Variants in MICAL2 observed in about 807,000 individuals in gnomAD.
MICAL2 encodes [F-actin]-monooxygenase MICAL2.
A neutral mutation model predicts 127.3 loss-of-function variants in MICAL2; 77 were observed. The ratio of observed to expected loss-of-function variants is 0.60; its 90% CI spans 0.50 to 0.73. The LOEUF is 0.73. Among genes scored for constraint, MICAL2 ranks in the 30% least tolerant of loss-of-function variants. MICAL2 has a pLI of 0.00. For missense variants in MICAL2, 1,351 were observed against 1,434.4 expected (o/e 0.94, Z 0.94); for synonymous variants, 570 against 551.1 (o/e 1.03, Z -0.48).
chr11:12,142,344 G>T (rs964368552), intron 2 of MICAL2, among the ~76,000 whole-genome samples: 15 of 152,340 alleles, frequency 9.8e-5, no homozygotes, highest in Middle Eastern at 3.4e-3. Flanking sequence ...TTTATGATGT[G>T]TCTTGGGGTG....
intron 2 of MICAL2, chr11:12,281,204 C>T (rs976254438): frequency 2.5e-6 from 1 of 398,106 alleles, no homozygotes; most frequent in Non-Finnish European, 4.4e-6. Context: ...GAAGCCTCGC[C>T]CTCAGGCTTC....
upstream of MICAL2, chr11:12,275,955 A>G: frequency 2.5e-6 from 1 of 399,176 alleles, no homozygotes; most frequent in Non-Finnish European, 4.4e-6. Flanking sequence ...CATTTGCACC[A>G]TCTCTCTAGA....
At chr11:12,205,219 T>C (rs1329014086) in intron 4 of MICAL2, among the ~76,000 whole-genome samples, 1 of 152,190 alleles carries the variant, frequency 6.6e-6, no homozygotes, top group Non-Finnish European at 1.5e-5. Context: ...TCCTCAAGCC[T>C]GGAGCTCTCT....
chr11:12,290,596 C>T (rs2134781436), downstream of MICAL2, among the ~76,000 whole-genome samples: 2 of 152,320 alleles, frequency 1.3e-5, no homozygotes, highest in South Asian at 4.1e-4. Flanking sequence ...CTTGAACCTT[C>T]TAATCGTGGG....
At chr11:12,185,931 T>C (rs571301005) in intron 3 of MICAL2, among the ~76,000 whole-genome samples, 7 of 152,350 alleles carry the variant, frequency 4.6e-5, no homozygotes, top group South Asian at 2.1e-4. Context: ...TTGCTACATA[T>C]GATGTGCTTC....
upstream of MICAL2, chr11:12,276,075 G>A (rs889725559): frequency 2.0e-5 from 8 of 399,094 alleles, no homozygotes; most frequent in East Asian, 7.1e-5. Context: ...CCTGCCCTCC[G>A]AGTGGACCTC....
intron 1 of MICAL2, among the ~76,000 whole-genome samples, chr11:12,118,744 T>C (rs1850256455): frequency 6.6e-6 from 1 of 152,194 alleles, no homozygotes; most frequent in Admixed American, 6.5e-5. Context: ...AATCCTAGTA[T>C]TTTAGTCTAC....
At chr11:12,245,371 A>G (rs1232139790) in intron 21 of MICAL2, among the ~76,000 whole-genome samples, 1 of 152,080 alleles carries the variant, frequency 6.6e-6, no homozygotes, top group Non-Finnish European at 1.5e-5. Context: ...GCTCCATGCT[A>G]TTGCATTAGT....
intron 16 of MICAL2, among the ~76,000 whole-genome samples, chr11:12,237,151 G>A (rs1002277753): frequency 2.0e-5 from 3 of 152,206 alleles, no homozygotes; most frequent in African/African-American, 7.2e-5. Flanking sequence ...GGGGAAAGCA[G>A]CAGCCAGCCA....
intron 16 of MICAL2, among the ~76,000 whole-genome samples, chr11:12,237,547 T>C (rs1859254974): frequency 1.3e-5 from 2 of 152,134 alleles, no homozygotes; most frequent in Non-Finnish European, 2.9e-5. Context: ...GTTTCACCCA[T>C]GGCTTATTTA....
intron 29 of MICAL2, among the ~76,000 whole-genome samples, chr11:12,312,919 C>T (rs1864190197): frequency 1.3e-5 from 2 of 152,160 alleles, no homozygotes; most frequent in African/African-American, 2.4e-5. Flanking sequence ...GTAATCTCAG[C>T]ACTTTGGGAG....
chr11:12,196,781 C>T (rs1379373556), intron 3 of MICAL2, among the ~76,000 whole-genome samples: 2 of 152,196 alleles, frequency 1.3e-5, no homozygotes, highest in South Asian at 2.1e-4. Flanking sequence ...CAAGTCCCTC[C>T]ACGATCTGGC....
chr11:12,256,601 A>G lies in MICAL2; in HGVS notation c.2956-184A>G, dbSNP rs149753707. 7.3e-5 allele frequency: 40 copies of G among 547,196 alleles called. 1 individual carries two copies. In the East Asian group the frequency reaches 1.3e-3, roughly 17 times the overall value. The allele number at this position is 547,196 out of a possible 1,614,324, so 33.9% of individuals were successfully genotyped here. ...GAGTACAGTTAACAGAAGCCCCTGCAGGGTTGGGGTCTGGGTTGGGGGTGT... is the reference window on the plus strand; with the variant it reads ...GAGTACAGTTAACAGAAGCCCCTGCGGGGTTGGGGTCTGGGTTGGGGGTGT... On this transcript the variant is annotated intron_variant, in intron 23 of 27. Coordinates refer to ENST00000683283, the MANE Select transcript of MICAL2 (RefSeq NM_001282663.2).
intron 2 of MICAL2, among the ~76,000 whole-genome samples, chr11:12,160,619 T>A (rs1854672355): frequency 6.6e-6 from 1 of 152,236 alleles, no homozygotes; most frequent in Admixed American, 6.5e-5. Flanking sequence ...AGTCTTCTAG[T>A]AAAATAAATC....
At chr11:12,130,945 T>C (rs754544869) in intron 1 of MICAL2, among the ~76,000 whole-genome samples, 1 of 152,190 alleles carries the variant, frequency 6.6e-6, no homozygotes, top group Non-Finnish European at 1.5e-5. Flanking sequence ...CCCTCTGTGA[T>C]GGTCGCATGA....
At chr11:12,198,678 G>A (rs1019143653) in intron 3 of MICAL2, among the ~76,000 whole-genome samples, 6 of 152,184 alleles carry the variant, frequency 3.9e-5, no homozygotes, top group African/African-American at 1.4e-4. Flanking sequence ...CAGTGTGCTG[G>A]GAGGACTGCG....
chr11:12,171,602 G>A (rs1011392301), intron 3 of MICAL2, among the ~76,000 whole-genome samples: 5 of 152,232 alleles, frequency 3.3e-5, no homozygotes, highest in Non-Finnish European at 7.3e-5. Context: ...AGTTCACTGA[G>A]CCTGATTCTC....
At chr11:12,340,679 C>T (rs1271089100) in intron 32 of MICAL2, among the ~76,000 whole-genome samples, 2 of 152,256 alleles carry the variant, frequency 1.3e-5, no homozygotes, top group East Asian at 1.9e-4. Flanking sequence ...TATAGTCATA[C>T]AACCGAATGT....
chr11:12,223,465 G>T lies in MICAL2; in HGVS notation c.1504G>T (p.Gly502Cys). The change falls in exon 12 of 28, where the codon GGC (glycine) becomes TGC (cysteine). Residue 502 changes from glycine (G) to cysteine (C), a missense_variant. Gly to Cys is a radical substitution (Grantham distance 159). Coordinates refer to ENST00000683283, the MANE Select transcript of MICAL2 (RefSeq NM_001282663.2). ...ELEHYPLERL[G>C]SVRRSVNLSR... is the part of the protein sequence containing the mutation. ...GGAGCACTACCCTCTCGAGAGACTG[G>T]GCTCGGTGAGGAGATCTGTCAACCT... 6.2e-7 allele frequency: 1 copy of T among 1,614,078 alleles called. No homozygotes were observed. Among genetic ancestry groups the T allele is most frequent in the Non-Finnish European group, 8.5e-7 (1 of 1,180,010 alleles).
Sources: gnomAD v4.1 joint callset for allele counts (sites outside exome capture counted in the v4.1 genomes callset) on GRCh38, gnomAD v4.1.1 for gene constraint, MANE v1.5 for transcripts, NCBI Gene and HGNC (gene_info 2026-07-23, HGNC 2026-07-21) for gene names.